The following CACNA1H variants were observed in gnomAD, a reference collection of about 807,000 sequenced individuals.
CACNA1H encodes the protein calcium voltage-gated channel subunit alpha1 H.
In CACNA1H, 149 loss-of-function variants were observed where a neutral mutation model predicts 192.5. The ratio of observed to expected loss-of-function variants is 0.77; its 90% CI spans 0.68 to 0.89. The LOEUF is 0.89. CACNA1H is among the 40% of genes least tolerant of loss of function. The pLI is 0.00. For missense variants in CACNA1H, 4,257 were observed against 3,423.5 expected (o/e 1.24, Z -6.08); for synonymous variants, 2,202 against 1,475.2 (o/e 1.49, Z -11.29).
At chr16:1,192,657 G>C (rs1282241255) in intron 2 of CACNA1H, among the ~76,000 whole-genome samples, 6 of 152,196 alleles carry the variant, frequency 3.9e-5, no homozygotes, top group South Asian at 4.1e-4. Context: ...GGGAGGGTGT[G>C]AAAGGCCTTG....
intron 2 of CACNA1H, among the ~76,000 whole-genome samples, chr16:1,177,579 A>G (rs566834162): frequency 6.6e-6 from 1 of 152,182 alleles, no homozygotes; most frequent in South Asian, 2.1e-4. Context: ...GCCCCCCAGG[A>G]CAGGCTTGGG....
chr16:1,183,785 A>C (rs1267751404), intron 2 of CACNA1H, among the ~76,000 whole-genome samples: 1 of 152,238 alleles, frequency 6.6e-6, no homozygotes, highest in African/African-American at 2.4e-5. Context: ...TGAGCACGTG[A>C]CCTGGCGTGT....
At chr16:1,196,245 T>C (rs985040489) in intron 5 of CACNA1H, among the ~76,000 whole-genome samples, 3 of 152,264 alleles carry the variant, frequency 2.0e-5, no homozygotes, top group African/African-American at 7.2e-5. Context: ...GCAGTCAGCA[T>C]TCACAGGGTA....
At chr16:1,172,777 T>C (rs1461960025) in intron 2 of CACNA1H, among the ~76,000 whole-genome samples, 2 of 152,058 alleles carry the variant, frequency 1.3e-5, no homozygotes, top group East Asian at 3.9e-4. Context: ...GGGCTGCTGC[T>C]GCCTGGGTGC....
chr16:1,158,624 C>G (rs1313051096), intron 2 of CACNA1H, among the ~76,000 whole-genome samples: 1 of 152,220 alleles, frequency 6.6e-6, no homozygotes, highest in East Asian at 1.9e-4. Context: ...GGGACTCAGG[C>G]CCCGCTGGGG....
rs781155106 is a variant in CACNA1H at position 1,217,948 on chromosome 16, C to T, written c.5353C>T (p.Leu1785=). 3.7e-6 allele frequency: 6 copies of T among 1,605,638 alleles called. No homozygotes were observed. In the East Asian group the frequency reaches 1.1e-4, roughly 30 times the overall value. ...ECSEDNPCEG[L]SRHATFSNFG... ...CAGTGAAGACAACCCCTGCGAGGGCCTGAGCAGGCACGCCACCTTCAGCAA... is the reference window on the plus strand; with the variant it reads ...CAGTGAAGACAACCCCTGCGAGGGCTTGAGCAGGCACGCCACCTTCAGCAA... Residue 1785 remains leucine, a synonymous_variant, in exon 32 of 35, where the codon CTG becomes TTG. Coordinates refer to ENST00000348261, the MANE Select transcript of CACNA1H (RefSeq NM_021098.3).
intron 2 of CACNA1H, among the ~76,000 whole-genome samples, chr16:1,175,618 A>C (rs189643013): frequency 6.6e-6 from 1 of 152,134 alleles, no homozygotes; most frequent in African/African-American, 2.4e-5. Flanking sequence ...GGCCCCGTCC[A>C]TTTACTCTCA....
chr16:1,206,916 T>TCCCCCCCCCCCCCCCCCCC, intron 12 of CACNA1H, 85 bp from the exon 13 acceptor site: 2 of 52,306 alleles, frequency 3.8e-5, no homozygotes, highest in Non-Finnish European at 7.2e-5. Flanking sequence ...CCCTCCCTCC[T>TCCCCCCCCCCCCCCCCCCC]CCCACCCCCC....
chr16:1,206,696 G>A (rs1490864541), intron 12 of CACNA1H: 7 of 456,936 alleles, frequency 1.5e-5, no homozygotes, highest in Non-Finnish European at 2.4e-5. Flanking sequence ...AGTCCAGAGA[G>A]GCTGAATGAG....
At chr16:1,199,795 A>C in intron 6 of CACNA1H, among the ~76,000 whole-genome samples, 1 of 145,252 alleles carries the variant, frequency 6.9e-6, no homozygotes, top group Non-Finnish European at 1.5e-5. Flanking sequence ...CTCAGCCCTC[A>C]CCCCAGGGCT....
At chr16:1,186,902 C>T (rs1356991926) in intron 2 of CACNA1H, among the ~76,000 whole-genome samples, 1 of 152,204 alleles carries the variant, frequency 6.6e-6, no homozygotes, top group South Asian at 2.1e-4. Flanking sequence ...TTGGAGCTGC[C>T]GCGGTTCTGA....
chr16:1,193,524 G>A (rs539748825), intron 2 of CACNA1H, among the ~76,000 whole-genome samples: 19 of 152,388 alleles, frequency 1.2e-4, no homozygotes, highest in Non-Finnish European at 2.5e-4. Flanking sequence ...CAGTGGGTGC[G>A]TCATCGGTAG....
intron 16 of CACNA1H, 67 bp downstream of exon 16, chr16:1,208,288 C>G: frequency 1.7e-6 from 2 of 1,181,092 alleles, no homozygotes; most frequent in East Asian, 5.1e-5. Flanking sequence ...TCCTTATGGC[C>G]TTCCCTGAAG....
chr16:1,207,921 C>A, intron 15 of CACNA1H, 61 bp downstream of exon 15: 3 of 1,541,266 alleles, frequency 1.9e-6, no homozygotes, highest in Middle Eastern at 1.7e-4. Flanking sequence ...GCTGGCCGGG[C>A]AGGGCCCCCA....
chr16:1,170,272 C>T (rs940046526), intron 2 of CACNA1H, among the ~76,000 whole-genome samples: 3 of 152,242 alleles, frequency 2.0e-5, no homozygotes, highest in South Asian at 4.1e-4. Flanking sequence ...GGGCGGGCCC[C>T]TCCCCACGCC....
At position 1,209,142 on chromosome 16, in the gene CACNA1H, C is replaced by T. The variant is rs1244188050; in HGVS notation, c.3474C>T (p.Gly1158=). The T allele has an allele frequency of 3.9e-6, 6 of 1,553,396 alleles. No individual in the cohort carries two copies. The African/African-American group carries it at 4.1e-5, about 11-fold the overall frequency. Residue 1158 remains glycine, a synonymous_variant, in exon 17 of 35, where the codon GGC becomes GGT. Coordinates refer to ENST00000348261, the MANE Select transcript of CACNA1H (RefSeq NM_021098.3). ...GTGCCCCCAGCCTCAAGCGCCGCGG[C>T]CAGTGTGGGGAACGTGAGTCCCTGC... is the stretch of plus-strand genomic sequence containing the variant. ...LGRAPSLKRR[G]QCGERESLLS... is the part of the protein sequence containing the mutation.
At position 1,221,004 on chromosome 16, in the gene CACNA1H, T is replaced by C; in HGVS notation, c.*10T>C. Reference sequence around the variant, plus strand: ...AGATGACCCCGTGTAGCTCGGGGCTTGGTGCCGCCCACGGCTTTGGCCCTG... The same window carrying C: ...AGATGACCCCGTGTAGCTCGGGGCTCGGTGCCGCCCACGGCTTTGGCCCTG... On this transcript the variant is annotated 3_prime_UTR_variant, in exon 35 of 35. Transcript: ENST00000348261. The C allele has an allele frequency of 6.4e-7, 1 of 1,555,062 alleles. No individual in the cohort carries two copies. Among genetic ancestry groups the C allele is most frequent in the South Asian group, 1.2e-5 (1 of 81,850 alleles).
rs892079364 is a variant in CACNA1H, at chr16:1,213,764, G to T, written c.4778-16G>T. 1 of 1,533,562 alleles carries T rather than the reference G, an allele frequency of 6.5e-7. No homozygotes were observed. Among genetic ancestry groups the T allele is most frequent in the Non-Finnish European group, 8.8e-7 (1 of 1,142,278 alleles). The allele number at this position is 1,533,562 out of a possible 1,614,324, so 95.0% of individuals were successfully genotyped here. ...GCGGCCCTCCTGCCCGGCGCTCATG[G>T]CCGCCCTCCCCGCAGAGGCCCAGCG... is the stretch of plus-strand genomic sequence containing the variant. On this transcript the variant is annotated splice_polypyrimidine_tract_variant and intron_variant, in intron 26 of 34. Coordinates refer to ENST00000348261, the MANE Select transcript of CACNA1H (RefSeq NM_021098.3).
intron 2 of CACNA1H, among the ~76,000 whole-genome samples, chr16:1,185,649 T>TGTGTAGGGGC (rs1567475655): frequency 4.9e-4 from 1 of 2,046 alleles, no homozygotes; most frequent in Non-Finnish European, 1.3e-3. Flanking sequence ...GAGTAGACGG[T>TGTGTAGGGGC]CGGCATGCAT....
Sources: allele counts gnomAD v4.1 joint callset (sites outside exome capture counted in the v4.1 genomes callset), GRCh38; gene constraint gnomAD v4.1.1; transcripts MANE v1.5; gene names NCBI Gene and HGNC (gene_info 2026-07-23, HGNC 2026-07-21).